The following DAB2 variants were observed in gnomAD, a reference collection of about 807,000 sequenced individuals.
DAB2 encodes DAB adaptor protein 2, also known as disabled homolog 2.
Under a neutral mutation model 71.6 loss-of-function variants are expected in DAB2, and 28 were observed. That is an observed-to-expected ratio of 0.39 (90% CI 0.29 to 0.54). The LOEUF (loss-of-function observed/expected upper bound fraction) is 0.54. Ranked by LOEUF, DAB2 falls within the 20% of genes least tolerant of loss-of-function variation. DAB2 has a pLI of 0.68. For missense variants in DAB2, 867 were observed against 928.8 expected (o/e 0.93, Z 0.86); for synonymous variants, 345 against 339.7 (o/e 1.02, Z -0.17).
Position 39,392,378 on chromosome 5 carries a change from T to G in DAB2, c.317A>C (p.Asp106Ala), listed in dbSNP as rs748922846. 2.5e-6 allele frequency: 4 copies of G among 1,613,438 alleles called. No homozygotes were observed. The African/African-American group carries it at 5.3e-5, about 22-fold the overall frequency. The change falls in exon 4 of 15, where the codon GAT (aspartate) becomes GCT (alanine). Residue 106 changes from aspartate to alanine, a missense_variant. Physicochemically the swap from Asp to Ala is moderately radical, Grantham distance 126. Around this residue, in one of 2 missense-constraint regions of DAB2, gnomAD observed 127 missense variants for 194.4 expected, o/e 0.65. Coordinates refer to ENST00000320816, the MANE Select transcript of DAB2 (RefSeq NM_001343.4). ...NISLSGIKII[D>A]EKTGVIEHEH... ...GTGAATTCTTACCCCAGTTTTCTCATCAATTATTTTTATCCCAGAAAGGGA... is the reference window on the plus strand; with the variant it reads ...GTGAATTCTTACCCCAGTTTTCTCAGCAATTATTTTTATCCCAGAAAGGGA...
chr5:39,391,977 A>ATAT (rs1442727464), intron 4 of DAB2, among the ~76,000 whole-genome samples: 7 of 137,356 alleles, frequency 5.1e-5, no homozygotes, highest in African/African-American at 1.8e-4. Flanking sequence ...AAAAAAAAAA[A>ATAT]AAAAATATAT....
intron 1 of DAB2, among the ~76,000 whole-genome samples, chr5:39,394,929 G>T (rs971245701): frequency 6.6e-6 from 1 of 152,132 alleles, no homozygotes; most frequent in Admixed American, 6.5e-5. Context: ...TAAGTATTAG[G>T]ATTCTGCATA....
intron 1 of DAB2, among the ~76,000 whole-genome samples, chr5:39,395,589 A>G (rs1755342717): frequency 6.6e-6 from 1 of 152,212 alleles, no homozygotes; most frequent in African/African-American, 2.4e-5. Context: ...TCAGTACTTA[A>G]TTTCTCCCAC....
chr5:39,373,828 T>C (rs1754756071), intron 14 of DAB2, among the ~76,000 whole-genome samples: 2 of 152,350 alleles, frequency 1.3e-5, no homozygotes, highest in Admixed American at 1.3e-4. Flanking sequence ...GAGAATGATC[T>C]CTGGTAAGAC....
At chr5:39,395,304 A>C (rs1342773346) in intron 1 of DAB2, among the ~76,000 whole-genome samples, 1 of 152,148 alleles carries the variant, frequency 6.6e-6, no homozygotes, top group East Asian at 1.9e-4. Flanking sequence ...AGGCAAAGAA[A>C]AGCTATTCAT....
intron 1 of DAB2, chr5:39,408,827 A>G (rs1345542628): frequency 6.6e-6 from 1 of 152,186 alleles, no homozygotes; most frequent in African/African-American, 2.4e-5. Flanking sequence ...GAATCTTGGC[A>G]GTTTGTTTCC....
chr5:39,391,976 AAAAAAAT>A (rs1272159034), intron 4 of DAB2, among the ~76,000 whole-genome samples: 35 of 132,796 alleles, frequency 2.6e-4, no homozygotes, highest in Admixed American at 8.8e-4. Flanking sequence ...AAAAAAAAAA[AAAAAAAT>A]ATATATATAT....
chr5:39,410,806 T>A lies in DAB2; in HGVS notation c.-102+13998A>T, dbSNP rs79771471. On this transcript the variant is annotated intron_variant, in intron 1 of 14. Transcript: ENST00000320816. ...AGATTACTGTATTGTCTAACCTGCTTAAAAAAAAAACTATGAATTATATTG... is the reference window on the plus strand; with the variant it reads ...AGATTACTGTATTGTCTAACCTGCTAAAAAAAAAAACTATGAATTATATTG... Among the ~76,000 whole-genome samples, 1,379 of 150,170 alleles carry A rather than the reference T, an allele frequency of 9.2e-3. 21 individuals are homozygous for A. The highest frequency in any genetic ancestry group is 0.032 in the African/African-American group (1,320 of 40,960).
At chr5:39,403,305 G>C (rs776951622) in intron 1 of DAB2, among the ~76,000 whole-genome samples, 1 of 152,128 alleles carries the variant, frequency 6.6e-6, no homozygotes, top group Non-Finnish European at 1.5e-5. Flanking sequence ...GATCTAGCAT[G>C]AGACTGTAAT....
intron 1 of DAB2, among the ~76,000 whole-genome samples, chr5:39,402,655 T>C (rs1174721900): frequency 2.0e-5 from 3 of 152,188 alleles, no homozygotes; most frequent in African/African-American, 7.2e-5. Context: ...TGACCTCAGG[T>C]GATCCATCTG....
chr5:39,374,911 T>C, intron 14 of DAB2, 103 bp downstream of exon 14: 5 of 768,362 alleles, frequency 6.5e-6, no homozygotes, highest in Non-Finnish European at 9.1e-6. Context: ...ATTATAGATA[T>C]TTACCCTCTT....
At chr5:39,395,752 C>G (rs953968043) in intron 1 of DAB2, among the ~76,000 whole-genome samples, 2 of 152,024 alleles carry the variant, frequency 1.3e-5, no homozygotes, top group African/African-American at 4.8e-5. Flanking sequence ...ACCAGGGAGA[C>G]AGTCTGTTTA....
At chr5:39,388,066 A>G (rs1000281024) in intron 9 of DAB2, 1 of 440,002 alleles carries the variant, frequency 2.3e-6, no homozygotes, top group African/African-American at 2.1e-5. Context: ...GAAGGACTAC[A>G]TTGCTGACTT....
intron 12 of DAB2, 129 bp from the exon 13 acceptor site, chr5:39,376,235 C>T (rs1390059455): frequency 3.0e-6 from 2 of 667,694 alleles, no homozygotes; most frequent in Non-Finnish European, 5.2e-6. Context: ...CAAAAATCAA[C>T]ACCAAATACT....
chr5:39,385,537 C>T (rs537436397), intron 9 of DAB2: 1 of 152,246 alleles, frequency 6.6e-6, no homozygotes, highest in Admixed American at 6.5e-5. Context: ...CCTCATCCAC[C>T]CACTTGGTCA....
chr5:39,392,443 C>A lies in DAB2; in HGVS notation c.252G>T (p.Arg84=), dbSNP rs1755255172. The stretch of plus-strand genomic sequence containing the variant: ...TCCTTTGTTTGTGTTGTCCCTGAGA[C>A]CGACCAGCTGCCGCCATTCCCTGAT... ...MKLKGMAAAG[R]SQGQHKQRIW... is the part of the protein sequence containing the mutation. Residue 84 remains arginine, a synonymous_variant, in exon 4 of 15, where the codon CGG becomes CGT. Coordinates refer to ENST00000320816, the MANE Select transcript of DAB2 (RefSeq NM_001343.4). 1 of 1,613,786 alleles carries A rather than the reference C, an allele frequency of 6.2e-7. No homozygotes were observed.
rs1277203928 is a variant in DAB2, at chr5:39,401,950, T to C, written c.-101-7529A>G. ...TGTATTTTTGAGACTCGGTAATTTA[T>C]AAAGAAAAAGAGGTTTAACGGACTC... is the stretch of plus-strand genomic sequence containing the variant. On this transcript the variant is annotated intron_variant, in intron 1 of 14. Coordinates refer to ENST00000320816, the MANE Select transcript of DAB2 (RefSeq NM_001343.4). 2.0e-5 allele frequency among the ~76,000 whole-genome samples: 3 copies of C among 151,912 alleles called. No homozygotes were observed. In the East Asian group the frequency reaches 5.8e-4, roughly 29 times the overall value.
chr5:39,384,257 C>T (rs1755045512), intron 9 of DAB2, among the ~76,000 whole-genome samples: 1 of 152,120 alleles, frequency 6.6e-6, no homozygotes, highest in African/African-American at 2.4e-5. Flanking sequence ...CACATAGTGC[C>T]AAAACCTATA....
rs748378075 is a variant in DAB2, at chr5:39,377,107, G to T, written c.1680C>A (p.Pro560=). Residue 560 remains proline (P), a synonymous_variant, in exon 12 of 15, where the codon CCC becomes CCA. Transcript: ENST00000320816. ...PAVSGWNQPS[P]FAASTPPPVP... ...CTGGAGGGGGAGTTGAGGCTGCAAA[G>T]GGTGAAGGCTGGTTCCAACCTGAAA... The T allele has an allele frequency of 1.5e-5, 25 of 1,614,044 alleles. No homozygotes were observed. Among genetic ancestry groups the T allele is most frequent in the Non-Finnish European group, 2.1e-5 (25 of 1,180,026 alleles).
Sources: allele counts gnomAD v4.1 joint callset (sites outside exome capture counted in the v4.1 genomes callset), GRCh38; gene constraint gnomAD v4.1.1; regional missense constraint gnomAD v4.1.1; transcripts MANE v1.5; gene names NCBI Gene and HGNC (gene_info 2026-07-23, HGNC 2026-07-21).